The following DPP10 variants were observed in gnomAD, a reference collection of about 807,000 sequenced individuals.
DPP10 encodes inactive dipeptidyl peptidase 10.
Under a neutral mutation model 120.9 loss-of-function variants are expected in DPP10, and 33 were observed. The ratio of observed to expected loss-of-function variants is 0.27; its 90% CI spans 0.21 to 0.37. The LOEUF (loss-of-function observed/expected upper bound fraction) is 0.37. DPP10 is among the 10% of genes least tolerant of loss of function. The pLI, the probability that DPP10 is intolerant of heterozygous loss-of-function variation, is 1.00. For synonymous variants in DPP10, 337 were observed against 326.1 expected, an observed-to-expected ratio of 1.03 and a Z score of -0.36; for missense variants, 816 against 942.8, an observed-to-expected ratio of 0.87 and a Z score of 1.76.
chr2:115,702,959 T>C (rs2091951789), intron 7 of DPP10, among the ~76,000 whole-genome samples: 1 of 152,044 alleles, frequency 6.6e-6, no homozygotes, highest in African/African-American at 2.4e-5. Flanking sequence ...CATTTTTCTT[T>C]TTAAACAAAT....
At chr2:115,505,304 AT>A (rs1462263576) in intron 4 of DPP10, among the ~76,000 whole-genome samples, 4 of 152,130 alleles carry the variant, frequency 2.6e-5, no homozygotes, top group African/African-American at 9.6e-5. Flanking sequence ...TAGGAATACA[AT>A]TATGACAAAA....
At chr2:115,254,070 C>T (rs977116392) in intron 1 of DPP10, among the ~76,000 whole-genome samples, 2 of 152,040 alleles carry the variant, frequency 1.3e-5, no homozygotes, top group African/African-American at 4.8e-5. Context: ...GCACGCTTAA[C>T]ACCAGGTGAA....
At chr2:115,656,654 TGAA>T (rs1468287861) in intron 5 of DPP10, among the ~76,000 whole-genome samples, 1 of 151,776 alleles carries the variant, frequency 6.6e-6, no homozygotes, top group Admixed American at 6.6e-5. Flanking sequence ...TAGACTGTTA[TGAA>T]GAAGAAGTTT....
At chr2:115,718,435 A>T (rs1346305236) in intron 7 of DPP10, among the ~76,000 whole-genome samples, 1 of 152,210 alleles carries the variant, frequency 6.6e-6, no homozygotes, top group African/African-American at 2.4e-5. Flanking sequence ...CCATGAAAAA[A>T]GTTATCTTTC....
intron 3 of DPP10, among the ~76,000 whole-genome samples, chr2:115,347,725 G>A (rs904257290): frequency 4.6e-5 from 7 of 152,006 alleles, no homozygotes; most frequent in African/African-American, 1.7e-4. Context: ...GAGTGAGAAC[G>A]TGCTTTGTTT....
chr2:114,683,499 C>T (rs1199635572), intron 1 of DPP10, among the ~76,000 whole-genome samples: 2 of 150,944 alleles, frequency 1.3e-5, no homozygotes, highest in East Asian at 3.9e-4. Flanking sequence ...CCCTTCCCTT[C>T]CCTTTCCTTC....
chr2:114,447,884 T>G (rs907439116), intron 1 of DPP10, among the ~76,000 whole-genome samples: 2 of 152,216 alleles, frequency 1.3e-5, no homozygotes, highest in African/African-American at 4.8e-5. Flanking sequence ...CTTTTTTCTC[T>G]TAGCAATGGT....
At chr2:115,000,177 G>T (rs1344532427) in intron 1 of DPP10, among the ~76,000 whole-genome samples, 2 of 150,438 alleles carry the variant, frequency 1.3e-5, no homozygotes, top group African/African-American at 2.4e-5. Flanking sequence ...TCTAGTATTG[G>T]GCCCTCATTT....
intron 2 of DPP10, among the ~76,000 whole-genome samples, chr2:115,318,106 A>G (rs533490690): frequency 2.6e-5 from 4 of 152,012 alleles, no homozygotes; most frequent in Non-Finnish European, 5.9e-5. Context: ...ATTCATTTTG[A>G]GTTAATTTTT....
rs148128923 is a variant in DPP10 at position 115,775,004 on chromosome 2, A to G, written c.1222-2204A>G. The stretch of plus-strand genomic sequence containing the variant: ...CAAATAACAACATTTAAAAGGTTAT[A>G]CATTTGGAAACAAAATATAATTTCT... On this transcript the variant is annotated intron_variant, in intron 13 of 25. Transcript: ENST00000410059. 1.9e-3 allele frequency among the ~76,000 whole-genome samples: 294 copies of G among 152,280 alleles called. 3 individuals are homozygous for G. The highest frequency in any genetic ancestry group is 6.6e-3 in the African/African-American group (273 of 41,582).
At chr2:114,900,424 T>C (rs1693462353) in intron 1 of DPP10, among the ~76,000 whole-genome samples, 1 of 152,224 alleles carries the variant, frequency 6.6e-6, no homozygotes, top group Non-Finnish European at 1.5e-5. Context: ...GAGTATATTA[T>C]ACTATTGTAG....
intron 5 of DPP10, among the ~76,000 whole-genome samples, chr2:115,688,515 CAAT>C (rs2091133560): frequency 6.6e-6 from 1 of 152,026 alleles, no homozygotes; most frequent in Non-Finnish European, 1.5e-5. Context: ...ATGAAAGTAT[CAAT>C]AAAATTTCTG....
intron 7 of DPP10, among the ~76,000 whole-genome samples, chr2:115,717,596 CA>C (rs887190401): frequency 2.2e-4 from 33 of 146,788 alleles, no homozygotes; most frequent in East Asian, 1.2e-3. Flanking sequence ...TGTTAGTTCT[CA>C]AAAAAAAAAT....
chr2:115,150,243 G>A (rs1258504084), intron 1 of DPP10, among the ~76,000 whole-genome samples: 1 of 152,172 alleles, frequency 6.6e-6, no homozygotes, highest in African/African-American at 2.4e-5. Flanking sequence ...AGCACAAGCT[G>A]TGGGAAGCAT....
At chr2:115,157,550 A>G (rs910645978) in intron 1 of DPP10, among the ~76,000 whole-genome samples, 4 of 152,192 alleles carry the variant, frequency 2.6e-5, no homozygotes, top group African/African-American at 9.7e-5. Context: ...TTTTACTTTA[A>G]AAGTAAATTC....
intron 19 of DPP10, among the ~76,000 whole-genome samples, chr2:115,799,798 T>G (rs934697964): frequency 6.6e-6 from 1 of 151,924 alleles, no homozygotes; most frequent in African/African-American, 2.4e-5. Flanking sequence ...TATTCCATGG[T>G]GTATATGTGC....
intron 9 of DPP10, among the ~76,000 whole-genome samples, chr2:115,745,583 G>A (rs1575660432): frequency 2.0e-5 from 3 of 150,656 alleles, no homozygotes; most frequent in South Asian, 4.2e-4. Context: ...AGATTAATGC[G>A]ATAGCATACA....
At chr2:114,890,659 A>C (rs779892917) in intron 1 of DPP10, among the ~76,000 whole-genome samples, 2 of 152,236 alleles carry the variant, frequency 1.3e-5, no homozygotes, top group Admixed American at 6.5e-5. Context: ...TTCCTGAAGC[A>C]TGTATTGAAT....
intron 1 of DPP10, among the ~76,000 whole-genome samples, chr2:115,261,837 A>G (rs1484255055): frequency 1.3e-5 from 2 of 152,344 alleles, no homozygotes; most frequent in East Asian, 3.9e-4. Flanking sequence ...CTCAAAAGAT[A>G]CAAGCTTCCT....
Sources: allele counts gnomAD v4.1 joint callset (sites outside exome capture counted in the v4.1 genomes callset), GRCh38; gene constraint gnomAD v4.1.1; transcripts MANE v1.5; gene names NCBI Gene and HGNC (gene_info 2026-07-23, HGNC 2026-07-21).